The following MASP1 variants were observed in gnomAD, a reference collection of about 807,000 sequenced individuals.
MASP1 encodes the protein MBL associated serine protease 1.
In MASP1, 59 loss-of-function variants were observed where a neutral mutation model predicts 77.1. That is an observed-to-expected ratio of 0.77 (90% CI 0.62 to 0.95). MASP1 has a LOEUF of 0.95. Ranked by LOEUF, MASP1 falls within the 40% of genes least tolerant of loss-of-function variation. The pLI is 0.00. For synonymous variants in MASP1, 362 were observed against 354.5 expected, an observed-to-expected ratio of 1.02 and a Z score of -0.24; for missense variants, 885 against 912.9, an observed-to-expected ratio of 0.97 and a Z score of 0.39.
intron 2 of MASP1, among the ~76,000 whole-genome samples, chr3:187,278,414 A>G (rs558497028): frequency 6.6e-6 from 1 of 152,292 alleles, no homozygotes; most frequent in East Asian, 1.9e-4. Context: ...GAGATCAAGG[A>G]GCTTCACCAA....
chr3:187,257,240 A>C (rs550178226), intron 4 of MASP1, among the ~76,000 whole-genome samples: 1 of 152,138 alleles, frequency 6.6e-6, no homozygotes, highest in African/African-American at 2.4e-5. Context: ...GAGATCCCTC[A>C]TCTCCTACAG....
In MASP1 at chr3:187,290,515, T is replaced by G. The variant is rs912313000; in HGVS notation, c.5+1113A>C. On this transcript the variant is annotated intron_variant, in intron 1 of 10. Transcript: ENST00000296280. ...TTGGAGAAAGAAAAATGATGTTTAA[T>G]GGCAGGTTTAAAATTACTATGGCTT... Among the ~76,000 whole-genome samples the G allele has an allele frequency of 2.0e-5, 3 of 152,214 alleles. No individual in the cohort carries two copies. The East Asian group carries it at 5.8e-4, about 29-fold the overall frequency.
exon 16 of MASP1, chr3:187,219,972 G>C (rs1261210804): frequency 8.0e-7 from 1 of 1,253,186 alleles, no homozygotes; most frequent in Non-Finnish European, 1.2e-6. Flanking sequence ...AAGGAGGGGG[G>C]ATGGGAGGAA....
At chr3:187,289,331 G>A (rs1472633991) in intron 1 of MASP1, among the ~76,000 whole-genome samples, 1 of 152,126 alleles carries the variant, frequency 6.6e-6, no homozygotes, top group East Asian at 1.9e-4. Context: ...GAATTGAAGA[G>A]TTGGAAGGGA....
At position 187,251,584 on chromosome 3, in the gene MASP1, G is replaced by C. The variant is rs566135128; in HGVS notation, c.1011+50C>G. ...TCTGCCCTGGGGAGGGGCAGGTTTC[G>C]AGAGTTTCTGTGGCCTGGTCACTCC... On this transcript the variant is annotated intron_variant, in intron 7 of 10. Coordinates refer to ENST00000296280, the MANE Select transcript of MASP1 (RefSeq NM_139125.4). 2.1e-6 allele frequency: 3 copies of C among 1,444,354 alleles called. No homozygotes were observed. In the South Asian group the frequency reaches 3.4e-5, roughly 17 times the overall value. 89.5% of individuals were successfully genotyped at this position (1,444,354 alleles called of 1,614,324 possible).
intron 15 of MASP1, among the ~76,000 whole-genome samples, chr3:187,220,418 G>A (rs1711977619): frequency 1.3e-5 from 2 of 151,918 alleles, no homozygotes. Context: ...AGGTCAGGCC[G>A]CATCAGAGCT....
At chr3:187,226,533 A>T in intron 11 of MASP1, 1 of 1,576,860 alleles carries the variant, frequency 6.3e-7, no homozygotes, top group Non-Finnish European at 8.7e-7. Flanking sequence ...GGGGAACAGA[A>T]CACACGTCTC....
At position 187,235,603 on chromosome 3, in the gene MASP1, T is replaced by A. The variant is rs774116280; in HGVS notation, c.*81A>T. The A allele has an allele frequency of 3.7e-6, 6 of 1,600,842 alleles. No homozygotes were observed. Among genetic ancestry groups the A allele is most frequent in the Admixed American group, 3.3e-5 (2 of 59,790 alleles). On this transcript the variant is annotated 3_prime_UTR_variant, in exon 11 of 11. Transcript: ENST00000296280. ...TCAGTGTGTTCCATTCCATATGGTC[T>A]GATAAGTAATGTGGAGTGTGCTGTC...
downstream of MASP1, among the ~76,000 whole-genome samples, chr3:187,233,542 T>C (rs1712898775): frequency 6.6e-6 from 1 of 152,242 alleles, no homozygotes; most frequent in East Asian, 1.9e-4. Flanking sequence ...TTTGCCTATA[T>C]AAGACCTACA....
chr3:187,283,898 CA>C (rs2108607690), intron 2 of MASP1, among the ~76,000 whole-genome samples: 1 of 152,308 alleles, frequency 6.6e-6, no homozygotes, highest in Non-Finnish European at 1.5e-5. Context: ...CCCATACCTA[CA>C]ATCCATCTTA....
Position 187,235,723 on chromosome 3 carries a change from G to A in MASP1, c.2148C>T (p.Gly716=). Residue 716 remains glycine, a synonymous_variant, in exon 11 of 11, where the codon GGC becomes GGT. Transcript: ENST00000296280. The stretch of plus-strand genomic sequence containing the variant: ...GGGGCTCCACAACACTTTGTGGTAA[G>A]CCCATCTGCTCCCACACCCAGTCCA... ...NYVDWVWEQM[G]LPQSVVEPQV... The A allele has an allele frequency of 1.2e-6, 2 of 1,614,176 alleles. No individual in the cohort carries two copies. Among genetic ancestry groups the A allele is most frequent in the Non-Finnish European group, 1.7e-6 (2 of 1,180,028 alleles).
At chr3:187,251,422 A>AC (rs1410888005) in intron 7 of MASP1, 18 of 560,814 alleles carry the variant, frequency 3.2e-5, no homozygotes, top group East Asian at 2.5e-4. Flanking sequence ...TAAAAAAAAA[A>AC]AAAAAACAAA....
intron 12 of MASP1, chr3:187,226,348 T>C (rs1712426776): frequency 7.9e-7 from 1 of 1,258,680 alleles, no homozygotes; most frequent in Admixed American, 1.9e-5. Flanking sequence ...AAAGGGCCAG[T>C]AGGTCATTCC....
In MASP1 at chr3:187,262,691, G is replaced by C. The variant is rs756016647; in HGVS notation, c.267C>G (p.Thr89=). ...TGTCTGTGGTCTCCCTGCCACAGAA[G>C]GTTGCCAGCACCTGGTCCTCAGTTT... ...KVETEDQVLA[T]FCGRETTDTE... The change falls in exon 3 of 11, where the codon ACC becomes ACG. Residue 89 remains threonine, a synonymous_variant. Coordinates refer to ENST00000296280, the MANE Select transcript of MASP1 (RefSeq NM_139125.4). The C allele has an allele frequency of 6.2e-7, 1 of 1,614,136 alleles. No individual in the cohort carries two copies. The highest frequency in any genetic ancestry group is 2.2e-5 in the East Asian group (1 of 44,882).
Position 187,285,153 on chromosome 3 carries a change from G to A in MASP1, c.237+672C>T, listed in dbSNP as rs571583443. On this transcript the variant is annotated intron_variant, in intron 2 of 10. Transcript: ENST00000296280. ...AAAAGAAGAACAGCTTCCCACCCAT[G>A]GAATTTTTTTTTTTGTGGGGGGTTC... 3.7e-4 allele frequency among the ~76,000 whole-genome samples: 27 copies of A among 73,810 alleles called. No homozygotes were observed. In the South Asian group the frequency reaches 0.011, roughly 31 times the overall value. 48.4% of individuals were successfully genotyped at this position (73,810 alleles called of 152,430 possible).
At chr3:187,260,541 T>G (rs1475140153) in intron 4 of MASP1, among the ~76,000 whole-genome samples, 200 bp downstream of exon 4, 2 of 152,306 alleles carry the variant, frequency 1.3e-5, no homozygotes, top group South Asian at 4.1e-4. Flanking sequence ...AGTCTAGAGC[T>G]TCTCTCCTTT....
rs116186438 is a variant in MASP1, at chr3:187,257,291, G to A, written c.548-431C>T. The stretch of plus-strand genomic sequence containing the variant: ...CCTCACTCCTCACTGTCTAACCCCT[G>A]TCTTTGTTTTGTTTTTCTTTATAGT... On this transcript the variant is annotated intron_variant, in intron 4 of 10. Coordinates refer to ENST00000296280, the MANE Select transcript of MASP1 (RefSeq NM_139125.4). Among the ~76,000 whole-genome samples the A allele has an allele frequency of 4.9e-3, 742 of 152,212 alleles. 3 individuals carry two copies. The highest frequency in any genetic ancestry group is 8.7e-3 in the Non-Finnish European group (590 of 68,000).
rs759139865 is a variant in MASP1 at position 187,220,141 on chromosome 3, C to A, written c.2030G>T (p.Arg677Leu). 1.9e-6 allele frequency: 3 copies of A among 1,614,166 alleles called. No individual in the cohort carries two copies. The highest frequency in any genetic ancestry group is 1.3e-5 in the African/African-American group (1 of 75,046). ...GTGGATGTAAGAGTATACTCCGTAG[C>A]GGTCCTTCTTCCCACAGTCATCACC... Residue 677 changes from arginine to leucine, a missense_variant, in exon 16 of 16, where the codon CGC becomes CTC. Transcript: ENST00000337774.
At chr3:187,281,099 C>A (rs1353832113) in intron 2 of MASP1, among the ~76,000 whole-genome samples, 2 of 152,262 alleles carry the variant, frequency 1.3e-5, no homozygotes, top group Non-Finnish European at 2.9e-5. Flanking sequence ...ATTAACCAGC[C>A]TTGATTCGTA....
Sources: allele counts gnomAD v4.1 joint callset (sites outside exome capture counted in the v4.1 genomes callset), GRCh38; gene constraint gnomAD v4.1.1; transcripts MANE v1.5; gene names NCBI Gene and HGNC (gene_info 2026-07-23, HGNC 2026-07-21).